The following OGT variants were observed in gnomAD, a reference collection of about 807,000 sequenced individuals.
The protein encoded by OGT is UDP-N-acetylglucosamine--peptide N-acetylglucosaminyltransferase 110 kDa subunit.
In OGT, 3 loss-of-function variants were observed where a neutral mutation model predicts 75.8. The ratio of observed to expected loss-of-function variants is 0.04; its 90% confidence interval spans 0.02 to 0.10. The LOEUF (loss-of-function observed/expected upper bound fraction) is 0.10, where lower values mean the gene tolerates loss of function less well. Ranked by LOEUF, OGT falls within the 10% of genes least tolerant of loss-of-function variation. The probability of loss-of-function intolerance (pLI) is 1.00; values close to 1 mark genes in which losing one functional copy is unlikely to be tolerated. For synonymous variants in OGT, 257 were observed against 289.7 expected, an observed-to-expected ratio of 0.89 and a Z score of 1.15; for missense variants, 260 against 824.4, an observed-to-expected ratio of 0.32 and a Z score of 8.38.
intron 8 of OGT, 148 bp downstream of exon 8, chrX:71,556,242 A>G (rs1415146128): frequency 3.4e-6 from 2 of 591,252 alleles, no homozygotes; most frequent in African/African-American, 2.3e-5. Context: ...TACCTAAGGT[A>G]TGATGTGAGG....
chrX:71,540,915 C>T (rs767197181), intron 3 of OGT, among the ~76,000 whole-genome samples: 7 of 111,459 alleles, frequency 6.3e-5, no homozygotes, highest in South Asian at 7.5e-4. Flanking sequence ...TCAACAGATC[C>T]GCCTGCTTCA....
chrX:71,549,159 G>A (rs905128402), intron 5 of OGT, among the ~76,000 whole-genome samples: 3 of 107,561 alleles, frequency 2.8e-5, no homozygotes, highest in Non-Finnish European at 5.8e-5. Flanking sequence ...AGCTGGGTGT[G>A]GCAGTGTGCT....
At chrX:71,555,472 A>G in intron 7 of OGT, 87 bp downstream of exon 7, 4 of 872,995 alleles carry the variant, frequency 4.6e-6, no homozygotes, top group Non-Finnish European at 6.5e-6. Flanking sequence ...TTGTAATGCC[A>G]GCACTTCGGG....
chrX:71,547,737 T>C, intron 4 of OGT, 170 bp from the exon 5 acceptor site: 1 of 1,086,751 alleles, frequency 9.2e-7, no homozygotes, highest in Non-Finnish European at 1.2e-6. Flanking sequence ...CGCATTAGTT[T>C]TGGCGCAAGC....
At chrX:71,570,059 T>G (rs1411474934) in intron 21 of OGT, among the ~76,000 whole-genome samples, 4 of 45,072 alleles carry the variant, frequency 8.9e-5, no homozygotes, top group Non-Finnish European at 1.3e-4. Context: ...TTTTTTTTTT[T>G]GGAGACAGCC....
intron 12 of OGT, among the ~76,000 whole-genome samples, chrX:71,558,474 C>A (rs2040358411): frequency 9.2e-6 from 1 of 109,114 alleles, no homozygotes; most frequent in South Asian, 4.0e-4. Context: ...GATGCTCGTG[C>A]CTTAGCTTCC....
chrX:71,568,377 T>C (rs940389767), intron 21 of OGT, among the ~76,000 whole-genome samples: 7 of 112,521 alleles, frequency 6.2e-5, no homozygotes, highest in African/African-American at 1.9e-4. Context: ...GATAACAAAG[T>C]ATTAATTACC....
chrX:71,571,256 C>T (rs2040456347), intron 21 of OGT, among the ~76,000 whole-genome samples: 1 of 112,142 alleles, frequency 8.9e-6, no homozygotes, highest in Non-Finnish European at 1.9e-5. Flanking sequence ...TTTTACTATT[C>T]TTGCTTTATT....
At chrX:71,561,640 G>C in intron 14 of OGT, 135 bp from the exon 15 acceptor site, 1 of 479,518 alleles carries the variant, frequency 2.1e-6, no homozygotes. Context: ...GTTAATTTGT[G>C]TTCTTACCTC....
In OGT at chrX:71,560,944, T is replaced by G. The variant is rs891993070; in HGVS notation, c.1852-831T>G. Among the ~76,000 whole-genome samples, 3 of 110,351 alleles carry G rather than the reference T, an allele frequency of 2.7e-5. No homozygotes were observed. In the Admixed American group the frequency reaches 2.9e-4, roughly 11 times the overall value. On this transcript the variant is annotated intron_variant, in intron 14 of 21. Transcript: ENST00000373719. ...GTGAATTACTCACCCTTTTTTTTTT[T>G]GAGATGGAGTTTTGCTCTTGTCGCC...
intron 20 of OGT, 35 bp downstream of exon 20, chrX:71,567,787 T>G: frequency 8.6e-7 from 1 of 1,163,846 alleles, no homozygotes. Flanking sequence ...ATCTTCCTTG[T>G]TCCTTTGAAA....
intron 21 of OGT, among the ~76,000 whole-genome samples, chrX:71,569,562 C>G (rs906789776): frequency 9.1e-6 from 1 of 110,064 alleles, no homozygotes; most frequent in African/African-American, 3.3e-5. Flanking sequence ...GTGATCTTGG[C>G]TCACTGCAGC....
rs1406829370 is a variant in OGT, at chrX:71,553,321, G to A, written c.649-1192G>A. Among the ~76,000 whole-genome samples the A allele has an allele frequency of 3.7e-5, 4 of 108,444 alleles. No individual in the cohort carries two copies. In the East Asian group the frequency reaches 8.9e-4, roughly 24 times the overall value. The allele number at this position is 108,444 out of a possible 115,157, so 94.2% of individuals were successfully genotyped here. ...GTTGGCCAGGGTGGTCTTGAACTCC[G>A]GGCCTCAAGTGATCTGCCCGCCTTG... On this transcript the variant is annotated intron_variant, in intron 5 of 21. Coordinates refer to ENST00000373719, the MANE Select transcript of OGT (RefSeq NM_181672.3).
intron 4 of OGT, chrX:71,545,984 T>G: frequency 5.6e-6 from 1 of 180,004 alleles, no homozygotes; most frequent in Non-Finnish European, 8.8e-6. Context: ...TGTTATTCTG[T>G]TTTTTTGTGA....
At chrX:71,554,183 T>C (rs2040327014) in intron 5 of OGT, among the ~76,000 whole-genome samples, 1 of 111,944 alleles carries the variant, frequency 8.9e-6, no homozygotes, top group South Asian at 3.7e-4. Flanking sequence ...CTTTTGCCAC[T>C]ATTTTTCAGA....
chrX:71,548,838 G>A (rs892267475), intron 5 of OGT, among the ~76,000 whole-genome samples: 1 of 111,031 alleles, frequency 9.0e-6, no homozygotes, highest in Non-Finnish European at 1.9e-5. Context: ...AAAATCATTT[G>A]TATACCAAAT....
rs1382006511 is a variant in OGT at position 71,561,882 on chromosome X, C to T, written c.1959C>T (p.Leu653=). 1 of 1,199,507 alleles carries T rather than the reference C, an allele frequency of 8.3e-7. No individual in the cohort carries two copies. Among genetic ancestry groups the T allele is most frequent in the African/African-American group, 1.7e-5 (1 of 57,259 alleles). ...TKGARNELFA[L]RPAPIQAMWL... is the part of the protein sequence containing the mutation. ...GCGCTCGAAATGAGCTTTTTGCTCT[C>T]AGGCCAGCTCCTATTCAGGTAAACA... The change falls in exon 15 of 22, where the codon CTC becomes CTT. Residue 653 remains leucine (L), a synonymous_variant. Transcript: ENST00000373719.
rs201714081 is a variant in OGT, at chrX:71,568,855, CA to C, written c.2966+742del. On this transcript the variant is annotated intron_variant, in intron 21 of 21. Coordinates refer to ENST00000373719, the MANE Select transcript of OGT (RefSeq NM_181672.3). ...AAACAAAAACAAAAACAAAAACAAA[CA>C]AACAAAAAAAAAACCAAACAAACAA... 7.6e-3 allele frequency among the ~76,000 whole-genome samples: 788 copies of C among 103,986 alleles called. 8 individuals are homozygous for C. Among genetic ancestry groups the C allele is most frequent in the African/African-American group, 0.027 (753 of 27,514 alleles). The allele number at this position is 103,986 out of a possible 115,157, so 90.3% of individuals were successfully genotyped here. A position where few individuals can be genotyped will look rare whatever the true frequency, so the allele number is the denominator to read the frequency against.
chrX:71,565,956 G>A (rs2040413909), intron 19 of OGT, among the ~76,000 whole-genome samples: 1 of 112,627 alleles, frequency 8.9e-6, no homozygotes, highest in Non-Finnish European at 1.9e-5. Flanking sequence ...CCAAGAAGGA[G>A]TCGATCTGTA....
Sources: allele counts gnomAD v4.1 joint callset (sites outside exome capture counted in the v4.1 genomes callset), GRCh38; gene constraint gnomAD v4.1.1; transcripts MANE v1.5; gene names NCBI Gene and HGNC (gene_info 2026-07-23, HGNC 2026-07-21).